The following ARMC9 variants were observed in gnomAD, a reference collection of about 807,000 sequenced individuals.
The protein encoded by ARMC9 is armadillo repeat containing 9.
Under a neutral mutation model 107.0 loss-of-function variants are expected in ARMC9, and 94 were observed. The observed-to-expected ratio is 0.88, with a 90% confidence interval of 0.74 to 1.04. The LOEUF (loss-of-function observed/expected upper bound fraction) is 1.04, where lower values mean the gene tolerates loss of function less well. ARMC9 is among the 50% of genes least tolerant of loss of function. The pLI, the probability that ARMC9 is intolerant of heterozygous loss-of-function variation, is 0.00. For missense variants in ARMC9, 942 were observed against 1,030.1 expected (o/e 0.91, Z 1.17); for synonymous variants, 380 against 396.9 (o/e 0.96, Z 0.51).
chr2:231,369,163 A>G (rs2045922279), intron 23 of ARMC9, among the ~76,000 whole-genome samples: 1 of 152,190 alleles, frequency 6.6e-6, no homozygotes, highest in South Asian at 2.1e-4. Flanking sequence ...CTCCCGTGCA[A>G]TCACCATCTG....
intron 8 of ARMC9, among the ~76,000 whole-genome samples, chr2:231,238,955 TG>T (rs1360213245): frequency 6.6e-6 from 1 of 152,142 alleles, no homozygotes; most frequent in Non-Finnish European, 1.5e-5. Context: ...CACGCAGTCC[TG>T]GGGGATGGCC....
chr2:231,323,834 T>G (rs902603292), intron 19 of ARMC9, among the ~76,000 whole-genome samples: 2 of 152,230 alleles, frequency 1.3e-5, no homozygotes, highest in Non-Finnish European at 2.9e-5. Context: ...GTGATGATTT[T>G]CACCTCAGTT....
rs1220886403 is a variant in ARMC9 at position 231,358,517 on chromosome 2, T to G, written c.2132-2237T>G. Among the ~76,000 whole-genome samples the G allele has an allele frequency of 1.3e-5, 2 of 152,138 alleles. No individual in the cohort carries two copies. Among genetic ancestry groups the G allele is most frequent in the Non-Finnish European group, 2.9e-5 (2 of 68,018 alleles). On this transcript the variant is annotated intron_variant, in intron 22 of 24. Coordinates refer to ENST00000611582, the MANE Select transcript of ARMC9 (RefSeq NM_001352754.2). This position sits in a 1 kb window ranked among gnomAD's most constrained non-coding sequence, Gnocchi z 4.5. ...CTCCACTTCCCTTCTCTCACTCACC[T>G]TGCCCCAGGCCCATCCTGGCCCCAG...
intron 9 of ARMC9, among the ~76,000 whole-genome samples, chr2:231,249,713 T>C (rs1478878501): frequency 6.6e-6 from 1 of 152,188 alleles, no homozygotes; most frequent in Admixed American, 6.5e-5. Context: ...GATGGGTTAC[T>C]ACATTAGTTG....
chr2:231,357,713 C>T (rs1258660998), intron 22 of ARMC9, among the ~76,000 whole-genome samples: 1 of 152,222 alleles, frequency 6.6e-6, no homozygotes, highest in African/African-American at 2.4e-5. Context: ...GCTGGCACTA[C>T]AGATGCACCA....
intron 16 of ARMC9, among the ~76,000 whole-genome samples, chr2:231,280,411 T>C (rs1003014607): frequency 5.3e-5 from 8 of 152,118 alleles, no homozygotes; most frequent in Non-Finnish European, 1.2e-4. Flanking sequence ...TGAGCTGAGA[T>C]TGTGCCGTTG....
chr2:231,219,723 T>C (rs1253011263), intron 5 of ARMC9, among the ~76,000 whole-genome samples: 1 of 152,228 alleles, frequency 6.6e-6, no homozygotes, highest in Non-Finnish European at 1.5e-5. Flanking sequence ...ATTCTCTTTA[T>C]TATCTCCTAG....
chr2:231,331,714 G>A lies in ARMC9; in HGVS notation c.1774-79G>A, dbSNP rs1024041216. On this transcript the variant is annotated intron_variant, in intron 19 of 24. Coordinates refer to ENST00000611582, the MANE Select transcript of ARMC9 (RefSeq NM_001352754.2). ...GCCGAGGCCTTCTTGTTTCATGACA[G>A]CTACACATTCTGGGGAGCCACGCCT... is the stretch of plus-strand genomic sequence containing the variant. 31 of 1,260,948 alleles carry A rather than the reference G, an allele frequency of 2.5e-5. 1 individual carries two copies. Among genetic ancestry groups the A allele is most frequent in the Non-Finnish European group, 3.4e-5 (30 of 875,610 alleles). 78.1% of individuals were successfully genotyped at this position (1,260,948 alleles called of 1,614,324 possible).
intron 13 of ARMC9, among the ~76,000 whole-genome samples, chr2:231,272,500 GTGTT>G (rs61386916): frequency 0.02 from 2,920 of 147,584 alleles, 46 homozygotes; most frequent in East Asian, 0.056. Context: ...CAACCAGTAA[GTGTT>G]TGTTTGTTTG....
intron 15 of ARMC9, among the ~76,000 whole-genome samples, chr2:231,277,842 C>T (rs969239174): frequency 1.3e-5 from 2 of 152,102 alleles, no homozygotes; most frequent in African/African-American, 4.8e-5. Context: ...GGATTACAGG[C>T]GTAAAGCACC....
At chr2:231,269,774 A>G (rs568781442) in intron 12 of ARMC9, among the ~76,000 whole-genome samples, 1 of 152,068 alleles carries the variant, frequency 6.6e-6, no homozygotes, top group East Asian at 1.9e-4. Flanking sequence ...GATATAATAC[A>G]GTTTCTTATA....
At chr2:231,355,489 T>C (rs191195702) in intron 21 of ARMC9, among the ~76,000 whole-genome samples, 3 of 152,326 alleles carry the variant, frequency 2.0e-5, no homozygotes, top group Admixed American at 6.5e-5. Flanking sequence ...CCTTACGTTG[T>C]TTGCTTGAAA....
chr2:231,245,158 C>T (rs995479445), intron 9 of ARMC9, among the ~76,000 whole-genome samples: 54 of 152,156 alleles, frequency 3.5e-4, no homozygotes, highest in African/African-American at 1.2e-3. Flanking sequence ...TTTGACTCCG[C>T]GTATTGCTGC....
intron 18 of ARMC9, among the ~76,000 whole-genome samples, chr2:231,292,612 C>T (rs528325539): frequency 8.5e-5 from 13 of 152,174 alleles, no homozygotes; most frequent in East Asian, 1.9e-4. Context: ...GAAAGCTCTT[C>T]GGCTGTTTCT....
chr2:231,338,021 G>A lies in ARMC9; in HGVS notation c.1878+6124G>A, dbSNP rs373168375. 2.3e-4 allele frequency among the ~76,000 whole-genome samples: 35 copies of A among 152,230 alleles called. No homozygotes were observed. In the East Asian group the frequency reaches 5.2e-3, roughly 23 times the overall value. ...ATCAATCCAGCTAAAAATTCCTGGCGGGTGGGGGCTGTCAGAGCCCAGGCT... is the reference window on the plus strand; with the variant it reads ...ATCAATCCAGCTAAAAATTCCTGGCAGGTGGGGGCTGTCAGAGCCCAGGCT... On this transcript the variant is annotated intron_variant, in intron 20 of 24. Coordinates refer to ENST00000611582, the MANE Select transcript of ARMC9 (RefSeq NM_001352754.2).
At chr2:231,259,987 CCCCAT>C (rs1382516649) in intron 11 of ARMC9, among the ~76,000 whole-genome samples, 9 of 152,134 alleles carry the variant, frequency 5.9e-5, no homozygotes, top group African/African-American at 2.2e-4. Flanking sequence ...CAGAGTGAGA[CCCCAT>C]CTCAAACAAA....
rs751733507 is a variant in ARMC9 at position 231,358,171 on chromosome 2, G to A, written c.2131+2237G>A. 2.6e-5 allele frequency among the ~76,000 whole-genome samples: 4 copies of A among 152,158 alleles called. No individual in the cohort carries two copies. The highest frequency in any genetic ancestry group is 4.4e-5 in the Non-Finnish European group (3 of 68,024). ...GGGGGACTGCGGTTAAGTCCATTAAGCCAGGGTATGAATGAGGGGGAGGGG... is the reference window on the plus strand; with the variant it reads ...GGGGGACTGCGGTTAAGTCCATTAAACCAGGGTATGAATGAGGGGGAGGGG... On this transcript the variant is annotated intron_variant, in intron 22 of 24. Transcript: ENST00000611582. This position sits in a 1 kb window ranked among gnomAD's most constrained non-coding sequence, Gnocchi z 4.5.
At chr2:231,213,179 T>C (rs2033100552) in intron 3 of ARMC9, among the ~76,000 whole-genome samples, 1 of 151,710 alleles carries the variant, frequency 6.6e-6, no homozygotes, top group African/African-American at 2.4e-5. Flanking sequence ...TTTTTTTTTT[T>C]CTGAGACAGG....
At chr2:231,354,708 C>T (rs1329456636) in intron 21 of ARMC9, among the ~76,000 whole-genome samples, 1 of 152,172 alleles carries the variant, frequency 6.6e-6, no homozygotes, top group Non-Finnish European at 1.5e-5. Context: ...CATTCAAAAA[C>T]AACCATTTGC....
Sources: allele counts gnomAD v4.1 joint callset (sites outside exome capture counted in the v4.1 genomes callset), GRCh38; gene constraint gnomAD v4.1.1; non-coding constraint Gnocchi (gnomAD v3.1); transcripts MANE v1.5; gene names NCBI Gene and HGNC (gene_info 2026-07-23, HGNC 2026-07-21).